DCBLD2: variants seen among roughly 807,000 people sequenced by gnomAD.
The protein encoded by DCBLD2 is discoidin, CUB and LCCL domain-containing protein 2.
DCBLD2 carries 54 observed loss-of-function variants against 86.8 expected under a neutral mutation model. The observed-to-expected ratio is 0.62, with a 90% CI of 0.50 to 0.78. The LOEUF is 0.78. Ranked by LOEUF, DCBLD2 falls within the 30% of genes least tolerant of loss-of-function variation. The probability of loss-of-function intolerance (pLI) is 0.00; values close to 1 mark genes in which losing one functional copy is unlikely to be tolerated. For missense variants in DCBLD2, 908 were observed against 954.2 expected, an observed-to-expected ratio of 0.95 and a Z score of 0.64; for synonymous variants, 354 against 341.3, an observed-to-expected ratio of 1.04 and a Z score of -0.41.
At chr3:98,828,344 ATAT>A (rs1942261073) in intron 3 of DCBLD2, among the ~76,000 whole-genome samples, 2 of 152,320 alleles carry the variant, frequency 1.3e-5, no homozygotes, top group South Asian at 2.1e-4. Context: ...AGAATAAAGA[ATAT>A]TATTATGTGG....
intron 12 of DCBLD2, among the ~76,000 whole-genome samples, chr3:98,810,099 G>C (rs1174989893): frequency 1.3e-5 from 2 of 152,176 alleles, no homozygotes; most frequent in African/African-American, 4.8e-5. Flanking sequence ...CCTAATTCTG[G>C]AAGGAAATTA....
intron 6 of DCBLD2, chr3:98,820,966 G>C (rs1407031769): frequency 3.0e-5 from 4 of 133,562 alleles, no homozygotes; most frequent in African/African-American, 1.1e-4. Flanking sequence ...GAAAGGGTCT[G>C]CATAAAATAA....
intron 3 of DCBLD2, among the ~76,000 whole-genome samples, chr3:98,829,735 G>C (rs1462665104): frequency 6.6e-6 from 1 of 152,116 alleles, no homozygotes; most frequent in Non-Finnish European, 1.5e-5. Flanking sequence ...AACAATATGA[G>C]TGCAATTTAT....
At chr3:98,885,904 G>A (rs921116863) in intron 1 of DCBLD2, among the ~76,000 whole-genome samples, 87 of 151,520 alleles carry the variant, frequency 5.7e-4, no homozygotes, top group African/African-American at 2.0e-3. Flanking sequence ...TTGGCATCTA[G>A]TAGGTAAAGG....
intron 2 of DCBLD2, 62 bp downstream of exon 2, chr3:98,881,477 CA>C (rs770601724): frequency 3.1e-5 from 45 of 1,440,766 alleles, no homozygotes; most frequent in South Asian, 4.7e-5. Context: ...ATGTTAATAT[CA>C]AAAAAATACA....
intron 2 of DCBLD2, 111 bp downstream of exon 2, chr3:98,881,429 A>C: frequency 1.0e-6 from 1 of 953,106 alleles, no homozygotes; most frequent in East Asian, 2.5e-5. Context: ...CATATTCAAT[A>C]ATTTCCCACA....
At position 98,800,605 on chromosome 3, in the gene DCBLD2, G is replaced by T; in HGVS notation, c.1832C>A (p.Thr611Asn). ...TGCAGAGTCAGCCTGCAGCACTGTG[G>T]TGACTTCTCTTGGACTCAGGTGATT... ...EVNHLSPREVTTVLQADSAEY... is the reference protein window; with the variant it reads ...EVNHLSPREVNTVLQADSAEY... The change falls in exon 15 of 16, where the codon ACC (threonine) becomes AAC (asparagine). Residue 611 changes from threonine (T) to asparagine (N), a missense_variant. By Grantham distance (65) the Thr-to-Asn change is moderately conservative. This residue lies in a region of DCBLD2 where 606 missense variants were observed against 678.5 expected (regional missense o/e 0.89). Coordinates refer to ENST00000326840, the MANE Select transcript of DCBLD2 (RefSeq NM_080927.4). The T allele has an allele frequency of 6.2e-7, 1 of 1,613,866 alleles. No individual in the cohort carries two copies. Among genetic ancestry groups the T allele is most frequent in the Non-Finnish European group, 8.5e-7 (1 of 1,179,832 alleles).
chr3:98,828,291 T>C (rs1357964290), intron 3 of DCBLD2, among the ~76,000 whole-genome samples: 1 of 152,126 alleles, frequency 6.6e-6, no homozygotes, highest in Non-Finnish European at 1.5e-5. Flanking sequence ...GGAGAAAACA[T>C]TCACAAATGA....
At chr3:98,822,196 G>T (rs1156995119) in intron 6 of DCBLD2, 32 bp downstream of exon 6, 1 of 1,610,350 alleles carries the variant, frequency 6.2e-7, no homozygotes, top group East Asian at 2.2e-5. Context: ...ATTATATATA[G>T]CATATATTTT....
intron 1 of DCBLD2, 89 bp downstream of exon 1, chr3:98,901,033 C>A: frequency 2.0e-6 from 3 of 1,529,512 alleles, no homozygotes; most frequent in Non-Finnish European, 2.6e-6. Context: ...CCGCGCCTCC[C>A]TGCAGCGTCT....
intron 3 of DCBLD2, among the ~76,000 whole-genome samples, chr3:98,832,512 T>C (rs1211489517): frequency 6.6e-6 from 1 of 152,238 alleles, no homozygotes; most frequent in Non-Finnish European, 1.5e-5. Context: ...GGCTTGTTTG[T>C]GTGGTTCCTT....
Position 98,844,254 on chromosome 3 carries a change from T to C in DCBLD2, c.571+5207A>G, listed in dbSNP as rs190601893. On this transcript the variant is annotated intron_variant, in intron 3 of 15. Coordinates refer to ENST00000326840, the MANE Select transcript of DCBLD2 (RefSeq NM_080927.4). ...TTGAACAGATTCAAAAACAGAAATT[T>C]AGATCATCTATAAAATTCATTTTAT... Among the ~76,000 whole-genome samples the C allele has an allele frequency of 5.3e-3, 814 of 152,228 alleles. 10 individuals are homozygous for C. The highest frequency in any genetic ancestry group is 0.01 in the Non-Finnish European group (697 of 68,014).
intron 1 of DCBLD2, among the ~76,000 whole-genome samples, chr3:98,892,871 A>T (rs1943686755): frequency 6.6e-6 from 1 of 152,194 alleles, no homozygotes; most frequent in Non-Finnish European, 1.5e-5. Context: ...GAAAGAAGAG[A>T]TAAAATGATC....
intron 1 of DCBLD2, among the ~76,000 whole-genome samples, chr3:98,888,623 T>C (rs1049000717): frequency 2.0e-5 from 3 of 152,082 alleles, no homozygotes; most frequent in African/African-American, 7.2e-5. Context: ...TGAGTACTAT[T>C]ATTGTCATAA....
At chr3:98,825,639 GTATTTATATATA>G (rs1300863089) in intron 3 of DCBLD2, among the ~76,000 whole-genome samples, 6 of 59,426 alleles carry the variant, frequency 1.0e-4, no homozygotes, top group Admixed American at 3.0e-4. Context: ...ATGTATATGT[GTATTTATATATA>G]TATATATATA....
intron 2 of DCBLD2, among the ~76,000 whole-genome samples, chr3:98,851,845 T>G (rs1372261803): frequency 2.0e-5 from 3 of 152,214 alleles, no homozygotes; most frequent in African/African-American, 7.2e-5. Context: ...GTTCCCTATT[T>G]AATAAATGCT....
rs59637338 is a variant in DCBLD2 at position 98,840,689 on chromosome 3, G to A, written c.571+8772C>T. Among the ~76,000 whole-genome samples, 1,237 of 152,116 alleles carry A rather than the reference G, an allele frequency of 8.1e-3. 13 individuals carry two copies. Among genetic ancestry groups the A allele is most frequent in the African/African-American group, 0.028 (1,162 of 41,492 alleles). On this transcript the variant is annotated intron_variant, in intron 3 of 15. Transcript: ENST00000326840. Reference sequence around the variant, plus strand: ...TTTTTAAATTGTTGGTAAAGATGGGGGTCTCACTACCTTTCTGGTCTGGAA... The same window carrying A: ...TTTTTAAATTGTTGGTAAAGATGGGAGTCTCACTACCTTTCTGGTCTGGAA...
chr3:98,876,232 A>C (rs889863117), intron 2 of DCBLD2, among the ~76,000 whole-genome samples: 10 of 151,746 alleles, frequency 6.6e-5, no homozygotes, highest in Non-Finnish European at 1.2e-4. Flanking sequence ...AAGACCAATA[A>C]AACTTGACAG....
At chr3:98,890,965 G>C (rs1213736525) in intron 1 of DCBLD2, among the ~76,000 whole-genome samples, 1 of 151,956 alleles carries the variant, frequency 6.6e-6, no homozygotes, top group Non-Finnish European at 1.5e-5. Context: ...CATGTCCTAC[G>C]CATTCAATGA....
Sources: allele counts gnomAD v4.1 joint callset (sites outside exome capture counted in the v4.1 genomes callset), GRCh38; gene constraint gnomAD v4.1.1; regional missense constraint gnomAD v4.1.1; transcripts MANE v1.5; gene names NCBI Gene and HGNC (gene_info 2026-07-23, HGNC 2026-07-21).